Variants in CDKAL1 observed in about 807,000 individuals in gnomAD.
CDKAL1 encodes threonylcarbamoyladenosine tRNA methylthiotransferase.
A neutral mutation model predicts 68.2 loss-of-function variants in CDKAL1; 32 were observed. The ratio of observed to expected loss-of-function variants is 0.47; its 90% CI spans 0.35 to 0.63. The LOEUF (loss-of-function observed/expected upper bound fraction) is 0.63. CDKAL1 is among the 30% of genes least tolerant of loss of function. CDKAL1 has a pLI of 0.00. For missense variants in CDKAL1, 606 were observed against 696.7 expected (o/e 0.87, Z 1.47); for synonymous variants, 234 against 244.3 (o/e 0.96, Z 0.39).
intron 13 of CDKAL1, among the ~76,000 whole-genome samples, chr6:21,140,880 A>G (rs1173698089): frequency 6.6e-6 from 1 of 152,218 alleles, no homozygotes; most frequent in Admixed American, 6.5e-5. Context: ...AGGCCTCCGA[A>G]TCATGGCGGG....
intron 5 of CDKAL1, among the ~76,000 whole-genome samples, chr6:20,720,044 A>ATT (rs1772270599): frequency 6.6e-6 from 1 of 152,010 alleles, no homozygotes; most frequent in Admixed American, 6.6e-5. Context: ...CGTAGTCTGG[A>ATT]TTTTGGTGAT....
chr6:21,079,933 T>C (rs1373932744), intron 12 of CDKAL1, among the ~76,000 whole-genome samples: 1 of 149,938 alleles, frequency 6.7e-6, no homozygotes, highest in Non-Finnish European at 1.5e-5. Context: ...CTTTTTGTTT[T>C]TGTTGTTCTA....
intron 13 of CDKAL1, among the ~76,000 whole-genome samples, chr6:21,155,194 T>C (rs1241670807): frequency 6.6e-6 from 1 of 152,180 alleles, no homozygotes; most frequent in Non-Finnish European, 1.5e-5. Context: ...AGAAAACATT[T>C]AGATTTAGAT....
chr6:20,758,269 G>A (rs1774313537), intron 6 of CDKAL1, among the ~76,000 whole-genome samples: 1 of 152,056 alleles, frequency 6.6e-6, no homozygotes, highest in Admixed American at 6.5e-5. Flanking sequence ...TGTGTGAGAA[G>A]ACATGTGTTA....
At chr6:20,860,822 A>AC (rs200025896) in intron 9 of CDKAL1, among the ~76,000 whole-genome samples, 202 of 150,992 alleles carry the variant, frequency 1.3e-3, no homozygotes, top group East Asian at 3.5e-3. Context: ...GACTCCATCT[A>AC]CAAAAAAAAA....
chr6:20,845,854 T>A (rs562828910), intron 8 of CDKAL1, among the ~76,000 whole-genome samples: 19 of 152,338 alleles, frequency 1.2e-4, no homozygotes, highest in Non-Finnish European at 2.1e-4. Context: ...ATTTGTACAG[T>A]CATTCTTGAG....
Position 20,628,648 on chromosome 6 carries a change from T to C in CDKAL1, c.287-20645T>C, listed in dbSNP as rs1231021546. Among the ~76,000 whole-genome samples the C allele has an allele frequency of 4.0e-5, 4 of 99,104 alleles. No individual in the cohort carries two copies. In the Admixed American group the frequency reaches 5.0e-4, roughly 12 times the overall value. 65.0% of individuals were successfully genotyped at this position (99,104 alleles called of 152,430 possible). A position where few individuals can be genotyped will look rare whatever the true frequency, so the allele number is the denominator to read the frequency against. ...ATATTGTTCCCATAAAACCAACCCT[T>C]ATTTTACTTTCAGGGAAAAAAAAAA... On this transcript the variant is annotated intron_variant, in intron 4 of 15. Transcript: ENST00000274695.
In CDKAL1 at chr6:20,862,635, T is replaced by TTGTGTGTG. The variant is rs56736298; in HGVS notation, c.742+16478_742+16485dup. Among the ~76,000 whole-genome samples, 541 of 149,196 alleles carry TTGTGTGTG rather than the reference T, an allele frequency of 3.6e-3. 2 individuals carry two copies. Among genetic ancestry groups the TTGTGTGTG allele is most frequent in the African/African-American group, 0.013 (505 of 39,944 alleles). On this transcript the variant is annotated intron_variant, in intron 9 of 15. Transcript: ENST00000274695. ...CTTTCTGCCTTGTCTTCTTTCCAAC[T>TTGTGTGTG]TGTGTGTGTGTGTGTGTGTGTGTGT...
At chr6:21,091,451 G>A (rs1772999400) in intron 12 of CDKAL1, among the ~76,000 whole-genome samples, 2 of 152,164 alleles carry the variant, frequency 1.3e-5, no homozygotes, top group Non-Finnish European at 2.9e-5. Flanking sequence ...TAGGAAATGA[G>A]GGCACTAACA....
intron 12 of CDKAL1, among the ~76,000 whole-genome samples, chr6:21,089,134 C>T (rs181598471): frequency 8.5e-5 from 13 of 152,224 alleles, no homozygotes; most frequent in East Asian, 1.9e-4. Flanking sequence ...TTCTTTTCAA[C>T]GTCAGTTGAT....
intron 9 of CDKAL1, among the ~76,000 whole-genome samples, chr6:20,858,464 C>A (rs1370542358): frequency 6.6e-6 from 1 of 151,992 alleles, no homozygotes; most frequent in Non-Finnish European, 1.5e-5. Context: ...AACTGATACG[C>A]CTGTAATGTG....
intron 7 of CDKAL1, among the ~76,000 whole-genome samples, chr6:20,759,802 T>A (rs898533183): frequency 1.3e-5 from 2 of 152,234 alleles, no homozygotes; most frequent in African/African-American, 4.8e-5. Context: ...TTTAAATTTT[T>A]AAAGGCTTTT....
chr6:20,741,716 T>C (rs577137002), intron 6 of CDKAL1, among the ~76,000 whole-genome samples: 1 of 152,108 alleles, frequency 6.6e-6, no homozygotes, highest in East Asian at 1.9e-4. Context: ...ATCCGATATG[T>C]CATTGTAGGT....
At chr6:20,618,091 T>G (rs1767006921) in intron 4 of CDKAL1, among the ~76,000 whole-genome samples, 1 of 152,184 alleles carries the variant, frequency 6.6e-6, no homozygotes, top group African/African-American at 2.4e-5. Context: ...GTTTCCTGAC[T>G]TTTTAATGAT....
intron 8 of CDKAL1, among the ~76,000 whole-genome samples, chr6:20,829,727 A>G (rs1420700664): frequency 6.6e-6 from 1 of 152,234 alleles, no homozygotes; most frequent in Non-Finnish European, 1.5e-5. Context: ...AAGTAGACCA[A>G]TGTTAATAAT....
chr6:21,208,204 G>T (rs1467350480), intron 15 of CDKAL1, among the ~76,000 whole-genome samples: 4 of 152,094 alleles, frequency 2.6e-5, no homozygotes, highest in Non-Finnish European at 4.4e-5. Flanking sequence ...AGCCGACCGC[G>T]CTTGGAAAGG....
At chr6:20,654,606 A>T (rs931166927) in intron 5 of CDKAL1, among the ~76,000 whole-genome samples, 1 of 152,170 alleles carries the variant, frequency 6.6e-6, no homozygotes, top group African/African-American at 2.4e-5. Context: ...TAATTCATCT[A>T]GAGTTGACTG....
At chr6:20,933,806 A>C (rs938177265) in intron 9 of CDKAL1, among the ~76,000 whole-genome samples, 2 of 152,200 alleles carry the variant, frequency 1.3e-5, no homozygotes, top group East Asian at 1.9e-4. Context: ...TCTTGCATAA[A>C]GGTAATTTGC....
At chr6:21,101,781 G>A (rs936567254) in intron 12 of CDKAL1, among the ~76,000 whole-genome samples, 2 of 152,086 alleles carry the variant, frequency 1.3e-5, no homozygotes, top group East Asian at 1.9e-4. Flanking sequence ...TCAGTGAAGG[G>A]TACTTCTCCT....
Sources: allele counts gnomAD v4.1 joint callset (sites outside exome capture counted in the v4.1 genomes callset), GRCh38; gene constraint gnomAD v4.1.1; transcripts MANE v1.5; gene names NCBI Gene and HGNC (gene_info 2026-07-23, HGNC 2026-07-21).